CSMD1: variants seen among roughly 807,000 people sequenced by gnomAD.
CSMD1 encodes the protein CUB and Sushi multiple domains 1, also known as CUB and sushi domain-containing protein 1.
CSMD1 carries 213 observed loss-of-function variants against 417.5 expected under a neutral mutation model. The ratio of observed to expected loss-of-function variants is 0.51; its 90% CI spans 0.46 to 0.57. The LOEUF (loss-of-function observed/expected upper bound fraction) is 0.57. Among genes scored for constraint, CSMD1 ranks in the 20% least tolerant of loss-of-function variants. The pLI, the probability that CSMD1 is intolerant of heterozygous loss-of-function variation, is 0.00. For synonymous variants in CSMD1, 2,862 were observed against 1,736.8 expected, an observed-to-expected ratio of 1.65 and a Z score of -16.11; for missense variants, 6,923 against 4,529.7, an observed-to-expected ratio of 1.53 and a Z score of -15.17.
intron 3 of CSMD1, among the ~76,000 whole-genome samples, chr8:4,117,264 A>G (rs996247841): frequency 6.6e-6 from 1 of 151,468 alleles, no homozygotes; most frequent in African/African-American, 2.4e-5. Context: ...CTATAATCCC[A>G]AGGAACTCAC....
chr8:4,984,983 C>G (rs1811096511), intron 1 of CSMD1, among the ~76,000 whole-genome samples: 1 of 152,174 alleles, frequency 6.6e-6, no homozygotes. Context: ...CTCAGAGATT[C>G]ATCCTCTTTG....
intron 7 of CSMD1, among the ~76,000 whole-genome samples, chr8:3,667,945 C>A (rs1284503874): frequency 1.3e-5 from 2 of 152,124 alleles, no homozygotes; most frequent in African/African-American, 2.4e-5. Context: ...ATTCACCCAC[C>A]CATTTCCTCC....
At chr8:4,658,843 T>C (rs1221096813) in intron 1 of CSMD1, among the ~76,000 whole-genome samples, 1 of 152,168 alleles carries the variant, frequency 6.6e-6, no homozygotes, top group Non-Finnish European at 1.5e-5. Context: ...TATGTTCCTA[T>C]GTGAACATGG....
chr8:3,201,630 G>C lies in CSMD1; in HGVS notation c.5080C>G (p.Leu1694Val). ...THAQARLLSSLSGSHSGETLP... is the reference protein window; with the variant it reads ...THAQARLLSSVSGSHSGETLP... ...GACTTACCTGAGTGAGACCCCGAGA[G>C]TGAGCTGAGAAGTCTGGCCTGTGCA... Residue 1694 changes from leucine to valine, a missense_variant, in exon 32 of 70, where the codon CTC (leucine) becomes GTC (valine). Physicochemically the swap from Leu to Val is conservative, Grantham distance 32. Coordinates refer to ENST00000635120, the MANE Select transcript of CSMD1 (RefSeq NM_033225.6). 1 of 1,602,338 alleles carries C rather than the reference G, an allele frequency of 6.2e-7. No individual in the cohort carries two copies.
At chr8:4,652,015 G>C (rs748811367) in intron 1 of CSMD1, among the ~76,000 whole-genome samples, 2 of 152,180 alleles carry the variant, frequency 1.3e-5, no homozygotes, top group African/African-American at 2.4e-5. Context: ...AAATGTCTAA[G>C]TCTCAGCTTT....
chr8:3,369,274 A>G lies in CSMD1; in HGVS notation c.2879T>C (p.Ile960Thr). ...CTTACCTTTCCCATGAGACACTTCA[A>G]TGGTCCACGTGCAGTTTAGAGAGTT... ...YPNSLNCTWT[I>T]EVSHGKGVQM... Residue 960 changes from isoleucine (I) to threonine (T), a missense_variant, in exon 19 of 70, where the codon ATT (isoleucine) becomes ACT (threonine). By Grantham distance (89) the Ile-to-Thr change is moderately conservative (BLOSUM62 -1). Coordinates refer to ENST00000635120, the MANE Select transcript of CSMD1 (RefSeq NM_033225.6). 1 of 1,571,176 alleles carries G rather than the reference A, an allele frequency of 6.4e-7. No individual in the cohort carries two copies. Among genetic ancestry groups the G allele is most frequent in the Non-Finnish European group, 8.8e-7 (1 of 1,141,590 alleles).
intron 5 of CSMD1, among the ~76,000 whole-genome samples, chr8:3,764,208 G>C (rs981914200): frequency 1.1e-4 from 16 of 152,126 alleles, no homozygotes; most frequent in African/African-American, 1.9e-4. Flanking sequence ...AGGTCACTAA[G>C]TCACATGTGT....
chr8:4,865,798 T>A (rs1802393710), intron 1 of CSMD1, among the ~76,000 whole-genome samples: 1 of 151,922 alleles, frequency 6.6e-6, no homozygotes, highest in Admixed American at 6.6e-5. Context: ...ATTGCCCAGT[T>A]TTTTAAAAGG....
At chr8:3,843,314 C>T (rs1294249875) in intron 5 of CSMD1, among the ~76,000 whole-genome samples, 1 of 152,070 alleles carries the variant, frequency 6.6e-6, no homozygotes, top group Non-Finnish European at 1.5e-5. Context: ...CTAATCTTTA[C>T]CTCATTGAAC....
chr8:4,078,565 A>G (rs1799953421), intron 3 of CSMD1, among the ~76,000 whole-genome samples: 1 of 151,632 alleles, frequency 6.6e-6, no homozygotes. Context: ...CGCCCGGCTG[A>G]TATCCAACTT....
At chr8:4,952,435 T>C (rs7840102) in intron 1 of CSMD1, among the ~76,000 whole-genome samples, 58,544 of 151,872 alleles carry the variant, frequency 0.39, 11,554 homozygotes, top group African/African-American at 0.44. Context: ...TAGTGAGTCA[T>C]ACTTACTGGA....
chr8:3,792,874 A>G (rs1207371040), intron 5 of CSMD1, among the ~76,000 whole-genome samples: 1 of 152,148 alleles, frequency 6.6e-6, no homozygotes, highest in Non-Finnish European at 1.5e-5. Context: ...CACCCTACAT[A>G]CTTGCCTTGA....
chr8:4,572,295 C>T (rs1483692015), intron 2 of CSMD1, among the ~76,000 whole-genome samples: 1 of 152,118 alleles, frequency 6.6e-6, no homozygotes, highest in African/African-American at 2.4e-5. Context: ...TTCAGGAGCT[C>T]TTATAAGGCA....
chr8:3,651,119 C>A (rs1000166481), intron 7 of CSMD1, among the ~76,000 whole-genome samples: 1 of 152,194 alleles, frequency 6.6e-6, no homozygotes, highest in Non-Finnish European at 1.5e-5. Flanking sequence ...CTGTCAGTAT[C>A]TTGTCTTGAT....
chr8:4,561,813 AC>A (rs2130614376), intron 2 of CSMD1, among the ~76,000 whole-genome samples: 1 of 152,292 alleles, frequency 6.6e-6, no homozygotes, highest in Non-Finnish European at 1.5e-5. Context: ...TTATGAACAT[AC>A]CTGTTGACTG....
At chr8:3,545,870 G>T (rs1798636838) in intron 10 of CSMD1, among the ~76,000 whole-genome samples, 2 of 152,194 alleles carry the variant, frequency 1.3e-5, no homozygotes, top group South Asian at 4.1e-4. Flanking sequence ...TCAAGCAGTT[G>T]GTGCAAACTT....
chr8:4,602,775 T>C (rs1416516063), intron 2 of CSMD1, among the ~76,000 whole-genome samples: 1 of 152,144 alleles, frequency 6.6e-6, no homozygotes, highest in African/African-American at 2.4e-5. Flanking sequence ...ATAAGCATTG[T>C]CTAAATGATG....
intron 3 of CSMD1, among the ~76,000 whole-genome samples, chr8:4,167,764 A>G (rs1197385886): frequency 6.6e-6 from 1 of 152,268 alleles, no homozygotes; most frequent in Admixed American, 6.5e-5. Flanking sequence ...CCAAGGCAGG[A>G]GGATTGCTTG....
intron 3 of CSMD1, among the ~76,000 whole-genome samples, chr8:4,263,623 T>G (rs997611102): frequency 6.6e-6 from 1 of 152,150 alleles, no homozygotes; most frequent in African/African-American, 2.4e-5. Context: ...AATTGTCAAA[T>G]AGGAAACCAT....
Sources: allele counts gnomAD v4.1 joint callset (sites outside exome capture counted in the v4.1 genomes callset), GRCh38; gene constraint gnomAD v4.1.1; transcripts MANE v1.5; gene names NCBI Gene and HGNC (gene_info 2026-07-23, HGNC 2026-07-21).